The following PTPN5 variants were observed in gnomAD, a reference collection of about 807,000 sequenced individuals.
The protein encoded by PTPN5 is tyrosine-protein phosphatase non-receptor type 5.
PTPN5 carries 29 observed loss-of-function variants against 73.9 expected under a neutral mutation model. That is an observed-to-expected ratio of 0.39 (90% CI 0.29 to 0.54). The LOEUF (loss-of-function observed/expected upper bound fraction) is 0.54, where lower values mean the gene tolerates loss of function less well. Ranked by LOEUF, PTPN5 falls within the 20% of genes least tolerant of loss-of-function variation. The pLI, the probability that PTPN5 is intolerant of heterozygous loss-of-function variation, is 0.65. For missense variants in PTPN5, 652 were observed against 751.4 expected (o/e 0.87, Z 1.55); for synonymous variants, 267 against 304.7 (o/e 0.88, Z 1.29).
chr11:18,737,657 G>C (rs1473945412), intron 9 of PTPN5, among the ~76,000 whole-genome samples: 1 of 152,170 alleles, frequency 6.6e-6, no homozygotes, highest in Non-Finnish European at 1.5e-5. Flanking sequence ...CACAACATGT[G>C]GCCAGGCAGG....
In PTPN5 at chr11:18,728,013, C is replaced by T. The variant is rs1175688557; in HGVS notation, c.*921G>A. 3.3e-5 allele frequency: 5 copies of T among 152,550 alleles called. No homozygotes were observed. Among genetic ancestry groups the T allele is most frequent in the African/African-American group, 7.2e-5 (3 of 41,420 alleles). 9.4% of individuals were successfully genotyped at this position (152,550 alleles called of 1,614,324 possible). A position where few individuals can be genotyped will look rare whatever the true frequency, so the allele number is the denominator to read the frequency against. ...AAAGACACCAAATGTCTCTGTCTGC[C>T]GTGGGATAAATATTTAAAGTCAGCA... On this transcript the variant is annotated 3_prime_UTR_variant, in exon 15 of 15. Transcript: ENST00000358540. This position sits in a 1 kb window ranked among gnomAD's most constrained non-coding sequence, Gnocchi z 4.1.
At chr11:18,743,826 C>T (rs954920901) in intron 4 of PTPN5, 180 bp downstream of exon 4, 33 of 678,528 alleles carry the variant, frequency 4.9e-5, no homozygotes, top group African/African-American at 1.5e-4. Flanking sequence ...GATGCTGGTG[C>T]GGTAGCTCAG....
chr11:18,755,167 T>C (rs1335149917), intron 3 of PTPN5, among the ~76,000 whole-genome samples: 3 of 152,290 alleles, frequency 2.0e-5, no homozygotes, highest in Middle Eastern at 3.4e-3. Flanking sequence ...GTGGCTTGTG[T>C]GGCGAGGTAC....
intron 3 of PTPN5, among the ~76,000 whole-genome samples, chr11:18,759,701 T>C (rs1236317278): frequency 6.6e-6 from 1 of 151,968 alleles, no homozygotes; most frequent in Non-Finnish European, 1.5e-5. Context: ...ATTTGAAGTC[T>C]TGAATGAAAA....
In PTPN5 at chr11:18,742,140, G is replaced by T; in HGVS notation, c.725+122C>A. ...GACCTGGATAGCACATGTCTACACTGGCTAAGCTATAAGGCCAGCTCTGCC... is the reference window on the plus strand; with the variant it reads ...GACCTGGATAGCACATGTCTACACTTGCTAAGCTATAAGGCCAGCTCTGCC... On this transcript the variant is annotated intron_variant, in intron 7 of 14. Coordinates refer to ENST00000358540, the MANE Select transcript of PTPN5 (RefSeq NM_006906.2). The surrounding 1 kb of genome is among the most constrained non-coding windows in gnomAD (Gnocchi z 4.1). 1.5e-6 allele frequency: 2 copies of T among 1,371,094 alleles called. No individual in the cohort carries two copies. Among genetic ancestry groups the T allele is most frequent in the Non-Finnish European group, 2.0e-6 (2 of 993,862 alleles). The allele number at this position is 1,371,094 out of a possible 1,614,324, so 84.9% of individuals were successfully genotyped here.
chr11:18,748,082 A>G (rs780426951), intron 3 of PTPN5, among the ~76,000 whole-genome samples: 5 of 152,212 alleles, frequency 3.3e-5, no homozygotes, highest in Non-Finnish European at 7.3e-5. Context: ...AGTGAGAAAA[A>G]TATTTTTTTC....
At chr11:18,772,741 G>A (rs958209215) in intron 1 of PTPN5, among the ~76,000 whole-genome samples, 2 of 152,168 alleles carry the variant, frequency 1.3e-5, no homozygotes, top group African/African-American at 4.8e-5. Context: ...TGTTCAACCC[G>A]TTTACTAAAC....
chr11:18,748,624 A>G (rs955867585), intron 3 of PTPN5, among the ~76,000 whole-genome samples: 1 of 152,022 alleles, frequency 6.6e-6, no homozygotes, highest in Non-Finnish European at 1.5e-5. Context: ...CCTCAGGTTA[A>G]GAACCCCTGA....
intron 3 of PTPN5, among the ~76,000 whole-genome samples, chr11:18,753,785 G>GA (rs1850002506): frequency 6.6e-6 from 1 of 152,202 alleles, no homozygotes; most frequent in African/African-American, 2.4e-5. Flanking sequence ...CATGGCTGGG[G>GA]AGCTGGTGGG....
chr11:18,754,758 A>G (rs1850050040), intron 3 of PTPN5, among the ~76,000 whole-genome samples: 1 of 152,238 alleles, frequency 6.6e-6, no homozygotes, highest in African/African-American at 2.4e-5. Flanking sequence ...TCACTGAGAA[A>G]GGCGTTGTTT....
chr11:18,755,500 C>T (rs1338856338), intron 3 of PTPN5, among the ~76,000 whole-genome samples: 1 of 152,118 alleles, frequency 6.6e-6, no homozygotes, highest in East Asian at 1.9e-4. Flanking sequence ...TCATAGCAGG[C>T]TGTATTCCCA....
intron 3 of PTPN5, among the ~76,000 whole-genome samples, chr11:18,764,631 T>C (rs1281878889): frequency 2.0e-5 from 3 of 152,226 alleles, no homozygotes; most frequent in Admixed American, 6.5e-5. Context: ...TAAGGTTCCT[T>C]GCCAATCATG....
In PTPN5 at chr11:18,735,314, G is replaced by C. The variant is rs1176035511; in HGVS notation, c.1001-1679C>G. ...AGGGGGTGTAGAGGGTGGCAGGGAT[G>C]GAGAGGAGACAGGGTAAACGGGAGG... is the stretch of plus-strand genomic sequence containing the variant. On this transcript the variant is annotated intron_variant, in intron 9 of 14. Transcript: ENST00000358540. Among the ~76,000 whole-genome samples, 3 of 151,870 alleles carry C rather than the reference G, an allele frequency of 2.0e-5. No individual in the cohort carries two copies. In the South Asian group the frequency reaches 6.3e-4, roughly 32 times the overall value.
intron 1 of PTPN5, among the ~76,000 whole-genome samples, chr11:18,782,647 A>C (rs776671748): frequency 2.6e-5 from 4 of 152,198 alleles, no homozygotes; most frequent in Non-Finnish European, 4.4e-5. Flanking sequence ...TTATCTCTGA[A>C]CTTTTGCGGG....
intron 9 of PTPN5, among the ~76,000 whole-genome samples, chr11:18,735,748 G>C (rs1472020783): frequency 1.3e-5 from 2 of 149,066 alleles, no homozygotes; most frequent in Non-Finnish European, 3.0e-5. Context: ...CTGGGCAGCA[G>C]AGTGAGACTC....
chr11:18,748,645 G>A (rs1849745567), intron 3 of PTPN5, among the ~76,000 whole-genome samples: 2 of 151,920 alleles, frequency 1.3e-5, no homozygotes, highest in South Asian at 4.2e-4. Context: ...TCTCGGGGGT[G>A]GGCAGTGGAT....
chr11:18,786,356 C>T lies in PTPN5; in HGVS notation c.-114+5169G>A, dbSNP rs555551237. ...TAGCTGGGACTACAGGCGCCTGCCA[C>T]GGCGCCTGGCTAATTTTTTGTATTT... On this transcript the variant is annotated intron_variant, in intron 1 of 14. Transcript: ENST00000358540. Among the ~76,000 whole-genome samples, 64 of 152,216 alleles carry T rather than the reference C, an allele frequency of 4.2e-4. 1 individual carries two copies. The highest frequency in any genetic ancestry group is 1.2e-4 in the Non-Finnish European group (8 of 68,010).
rs563679729 is a variant in PTPN5, at chr11:18,781,013, T to A, written c.-113-8942A>T. 5.8e-4 allele frequency among the ~76,000 whole-genome samples: 89 copies of A among 152,224 alleles called. No individual in the cohort carries two copies. The South Asian group carries it at 0.017, about 29-fold the overall frequency. ...ATCAGGCCCACGATCCAGGTGGCCT[T>A]GAATCATGCTTTAGGGCTCTCACAC... On this transcript the variant is annotated intron_variant, in intron 1 of 14. Transcript: ENST00000358540.
At chr11:18,788,899 A>T (rs1349383710) in intron 1 of PTPN5, among the ~76,000 whole-genome samples, 2 of 152,258 alleles carry the variant, frequency 1.3e-5, no homozygotes, top group African/African-American at 4.8e-5. Context: ...ATGAGGAGTA[A>T]GTGACAGAGT....
Sources: allele counts gnomAD v4.1 joint callset (sites outside exome capture counted in the v4.1 genomes callset), GRCh38; gene constraint gnomAD v4.1.1; non-coding constraint Gnocchi (gnomAD v3.1); transcripts MANE v1.5; gene names NCBI Gene and HGNC (gene_info 2026-07-23, HGNC 2026-07-21).